The following PRRC2C variants were observed in gnomAD, a reference collection of about 807,000 sequenced individuals.
PRRC2C encodes proline rich coiled-coil 2C.
Under a neutral mutation model 317.2 loss-of-function variants are expected in PRRC2C, and 72 were observed. The ratio of observed to expected loss-of-function variants is 0.23; its 90% CI spans 0.19 to 0.28. The LOEUF is 0.28. Among genes scored for constraint, PRRC2C ranks in the 10% least tolerant of loss-of-function variants. The pLI is 1.00. For synonymous variants in PRRC2C, 1,296 were observed against 1,205.9 expected (o/e 1.07, Z -1.55); for missense variants, 3,074 against 3,459.7 (o/e 0.89, Z 2.80).
At chr1:171,550,866 A>T (rs1411488327) in intron 18 of PRRC2C, among the ~76,000 whole-genome samples, 3 of 152,074 alleles carry the variant, frequency 2.0e-5, no homozygotes, top group African/African-American at 7.2e-5. Context: ...CCAGTCTATC[A>T]TTGATGGACA....
intron 18 of PRRC2C, among the ~76,000 whole-genome samples, 178 bp from the exon 19 acceptor site, chr1:171,557,060 CAA>C (rs144495143): frequency 1.2e-3 from 181 of 152,272 alleles, no homozygotes; most frequent in African/African-American, 4.3e-3. Flanking sequence ...TCTTTTGTCT[CAA>C]TATCATTTTG....
At chr1:171,508,892 T>C (rs1557878544) in intron 1 of PRRC2C, among the ~76,000 whole-genome samples, 1 of 152,152 alleles carries the variant, frequency 6.6e-6, no homozygotes, top group African/African-American at 2.4e-5. Context: ...TCTTTTTCTT[T>C]TTCCTTTTTT....
chr1:171,521,336 A>G (rs189357774), intron 6 of PRRC2C, among the ~76,000 whole-genome samples: 3 of 152,152 alleles, frequency 2.0e-5, no homozygotes, highest in Non-Finnish European at 4.4e-5. Flanking sequence ...CTTCCCTTCA[A>G]AATCATAGGA....
In PRRC2C at chr1:171,566,857, AG is replaced by A. The variant is rs770182269; in HGVS notation, c.6558+17del. 1 of 1,593,702 alleles carries A rather than the reference AG, an allele frequency of 6.3e-7. No homozygotes were observed. The highest frequency in any genetic ancestry group is 1.8e-5 in the Admixed American group (1 of 55,916). The stretch of plus-strand genomic sequence containing the variant: ...ACTAATGCAAAGGTAAGCCACATGT[AG>A]GGATTACCAGTTCAACAGATGCAAG... On this transcript the variant is annotated intron_variant, in intron 22 of 34. Transcript: ENST00000647382.
At chr1:171,533,059 A>G in intron 12 of PRRC2C, 98 bp downstream of exon 12, 1 of 1,185,280 alleles carries the variant, frequency 8.4e-7, no homozygotes, top group Admixed American at 3.3e-5. Context: ...TGTAATCAAT[A>G]TAAAAGTGAT....
intron 15 of PRRC2C, among the ~76,000 whole-genome samples, chr1:171,539,174 T>A (rs28831777): frequency 0.51 from 77,933 of 151,914 alleles, 20,066 homozygotes; most frequent in East Asian, 0.6. Flanking sequence ...GCTGATTCTG[T>A]ATTTTTAGTA....
At chr1:171,557,077 CTCA>C (rs1182940209) in intron 18 of PRRC2C, among the ~76,000 whole-genome samples, 160 bp from the exon 19 acceptor site, 16 of 152,136 alleles carry the variant, frequency 1.1e-4, no homozygotes, top group Admixed American at 9.2e-4. Context: ...ATTTTGGCTT[CTCA>C]TCATTCAAAA....
chr1:171,526,805 C>CTTTTTTTTTTTTTTTTTTTTTTTTTTT lies in PRRC2C; in HGVS notation c.1201-965_1201-964insTTTTTTTTTTTTTTTTTTTTTTTTTTT, dbSNP rs938229816. ...AAAATCATTACATTCAGAAATATATCTTTTTTTTTTTTTTTTTTTTTGAGA... is the reference window on the plus strand; with the variant it reads ...AAAATCATTACATTCAGAAATATATCTTTTTTTTTTTTTTTTTTTTTTTTTTTTTTTTTTTTTTTTTTTTTTTTGAGA... On this transcript the variant is annotated intron_variant, in intron 10 of 34. Transcript: ENST00000647382. 1.8e-4 allele frequency among the ~76,000 whole-genome samples: 16 copies of CTTTTTTTTTTTTTTTTTTTTTTTTTTT among 90,206 alleles called. 3 individuals carry two copies. Among genetic ancestry groups the CTTTTTTTTTTTTTTTTTTTTTTTTTTT allele is most frequent in the African/African-American group, 3.7e-4 (8 of 21,570 alleles). The allele number at this position is 90,206 out of a possible 152,430, so 59.2% of individuals were successfully genotyped here.
At chr1:171,591,397 A>C in intron 34 of PRRC2C, 190 bp from the exon 35 acceptor site, 1 of 604,320 alleles carries the variant, frequency 1.7e-6, no homozygotes, top group South Asian at 4.5e-5. Context: ...TTTAAATCAC[A>C]TGAAATATTT....
Position 171,535,541 on chromosome 1 carries a change from T to C in PRRC2C, c.1987T>C (p.Ser663Pro), listed in dbSNP as rs760664113. 3.1e-6 allele frequency: 5 copies of C among 1,614,004 alleles called. No homozygotes were observed. The highest frequency in any genetic ancestry group is 3.3e-5 in the Admixed American group (2 of 60,024). The change falls in exon 13 of 35, where the codon TCT (serine) becomes CCT (proline). Residue 663 changes from serine (S) to proline (P), a missense_variant. Physicochemically the swap from Ser to Pro is moderately conservative, Grantham distance 74. Transcript: ENST00000647382. ...SGSQPRPAVLSGYFKQFQKSL... is the reference protein window; with the variant it reads ...SGSQPRPAVLPGYFKQFQKSL... Reference sequence around the variant, plus strand: ...GTCTCAACCTCGGCCGGCTGTATTATCTGGCTATTTCAAACAGTTTCAGAA... The same window carrying C: ...GTCTCAACCTCGGCCGGCTGTATTACCTGGCTATTTCAAACAGTTTCAGAA...
At chr1:171,522,145 AT>A in intron 6 of PRRC2C, 31 bp from the exon 7 acceptor site, 1 of 1,350,654 alleles carries the variant, frequency 7.4e-7, no homozygotes. Flanking sequence ...AGGTTGCTAA[AT>A]TTATCACAAT....
chr1:171,537,153 A>G, intron 14 of PRRC2C, 110 bp from the exon 15 acceptor site: 1 of 818,756 alleles, frequency 1.2e-6, no homozygotes, highest in Non-Finnish European at 1.9e-6. Flanking sequence ...TGCTTTTAAT[A>G]TGGAGAATTC....
intron 15 of PRRC2C, among the ~76,000 whole-genome samples, chr1:171,537,713 G>T (rs1169241716): frequency 6.6e-6 from 1 of 151,994 alleles, no homozygotes. Flanking sequence ...GAAATTGGTA[G>T]GTTCTTTTTT....
At position 171,532,827 on chromosome 1, in the gene PRRC2C, A is replaced by G. The variant is rs1557933837; in HGVS notation, c.1739A>G (p.Gln580Arg). The part of the protein sequence containing the change: ...ERQKEKEKEL[Q>R]KMKEQEKECE... ...CAGAAAGAAAAGGAAAAAGAACTAC[A>G]AAAGATGAAAGAACAAGAAAAGGAA... Residue 580 changes from glutamine to arginine, a missense_variant, in exon 12 of 35, where the codon CAA (glutamine) becomes CGA (arginine). Physicochemically the swap from Gln to Arg is conservative, Grantham distance 43. Coordinates refer to ENST00000647382, the MANE Select transcript of PRRC2C (RefSeq NM_001387844.1). 1.3e-6 allele frequency: 2 copies of G among 1,596,914 alleles called. No individual in the cohort carries two copies. The highest frequency in any genetic ancestry group is 2.2e-5 in the East Asian group (1 of 44,698).
At position 171,569,589 on chromosome 1, in the gene PRRC2C, T is replaced by C. The variant is rs141948883; in HGVS notation, c.6651+1250T>C. 6.6e-4 allele frequency among the ~76,000 whole-genome samples: 86 copies of C among 131,092 alleles called. 3 individuals are homozygous for C. The highest frequency in any genetic ancestry group is 2.1e-3 in the African/African-American group (75 of 36,228). 86.0% of individuals were successfully genotyped at this position (131,092 alleles called of 152,430 possible). ...AAAGTGGTTTAAATATATATATATA[T>C]ATATGGTTTTTTTTTTCTTTTTTTA... On this transcript the variant is annotated intron_variant, in intron 23 of 34. Coordinates refer to ENST00000647382, the MANE Select transcript of PRRC2C (RefSeq NM_001387844.1).
intron 18 of PRRC2C, among the ~76,000 whole-genome samples, chr1:171,555,631 A>T (rs542326092): frequency 6.6e-6 from 1 of 152,204 alleles, no homozygotes; most frequent in South Asian, 2.1e-4. Context: ...GATGATGGTG[A>T]CCTACAGATG....
intron 1 of PRRC2C, among the ~76,000 whole-genome samples, chr1:171,488,861 A>T (rs560392451): frequency 6.6e-6 from 1 of 152,276 alleles, no homozygotes; most frequent in Non-Finnish European, 1.5e-5. Flanking sequence ...AGTCAGTGTG[A>T]TATACTCATC....
At chr1:171,530,272 A>C (rs1470823460) in intron 11 of PRRC2C, among the ~76,000 whole-genome samples, 3 of 112,734 alleles carry the variant, frequency 2.7e-5, no homozygotes, top group Non-Finnish European at 5.2e-5. Context: ...TTTTTTGCGC[A>C]ACAGAGTCTT....
chr1:171,552,509 A>G lies in PRRC2C; in HGVS notation c.5127+2269A>G, dbSNP rs756399854. Among the ~76,000 whole-genome samples the G allele has an allele frequency of 2.7e-4, 41 of 152,074 alleles. 1 individual carries two copies. The highest frequency in any genetic ancestry group is 2.5e-4 in the Non-Finnish European group (17 of 68,020). On this transcript the variant is annotated intron_variant, in intron 18 of 34. Transcript: ENST00000647382. Reference sequence around the variant, plus strand: ...AACTTCCAACACTATGCTGAATAGGAGTGTTAAGAGAGGGCATCCCTGTCT... The same window carrying G: ...AACTTCCAACACTATGCTGAATAGGGGTGTTAAGAGAGGGCATCCCTGTCT...
Sources: gnomAD v4.1 joint callset for allele counts (sites outside exome capture counted in the v4.1 genomes callset) on GRCh38, gnomAD v4.1.1 for gene constraint, MANE v1.5 for transcripts, NCBI Gene and HGNC (gene_info 2026-07-23, HGNC 2026-07-21) for gene names.